NEIL2: variants seen among roughly 807,000 people sequenced by gnomAD.
NEIL2 encodes the protein nei like DNA glycosylase 2.
In NEIL2, 23 loss-of-function variants were observed where a neutral mutation model predicts 22.2. The observed-to-expected ratio is 1.04, with a 90% confidence interval of 0.75 to 1.47. The LOEUF (loss-of-function observed/expected upper bound fraction) is 1.47. Ranked by LOEUF, NEIL2 falls within the 40% of genes most tolerant of loss-of-function variation. NEIL2 has a pLI of 0.00. For missense variants in NEIL2, 583 were observed against 404.7 expected, an observed-to-expected ratio of 1.44 and a Z score of -3.78; for synonymous variants, 229 against 164.8, an observed-to-expected ratio of 1.39 and a Z score of -2.99.
chr8:11,780,557 T>G (rs2130507799), intron 3 of NEIL2, among the ~76,000 whole-genome samples: 1 of 152,294 alleles, frequency 6.6e-6, no homozygotes, highest in East Asian at 1.9e-4. Context: ...TTTTGTATTT[T>G]TAATAGAGAC....
At position 11,783,199 on chromosome 8, in the gene NEIL2, C is replaced by G. The variant is rs370597257; in HGVS notation, c.492-4C>G. ...TGTACATATGACCTGTTCTTTCTTCCCAGGTTGGTCCTGCACTTTGGTGGT... is the reference window on the plus strand; with the variant it reads ...TGTACATATGACCTGTTCTTTCTTCGCAGGTTGGTCCTGCACTTTGGTGGT... On this transcript the variant is annotated splice_region_variant and splice_polypyrimidine_tract_variant and intron_variant, in intron 3 of 4. Coordinates refer to ENST00000284503, the MANE Select transcript of NEIL2 (RefSeq NM_145043.4). 8.1e-6 allele frequency: 13 copies of G among 1,613,764 alleles called. No individual in the cohort carries two copies. In the South Asian group the frequency reaches 1.4e-4, roughly 18 times the overall value.
intron 3 of NEIL2, among the ~76,000 whole-genome samples, chr8:11,782,109 T>C (rs886778038): frequency 1.3e-5 from 2 of 151,922 alleles, no homozygotes; most frequent in Admixed American, 1.3e-4. Flanking sequence ...CCTTTCTATA[T>C]GGAAAGGGTA....
Position 11,780,046 on chromosome 8 carries a change from C to T in NEIL2, c.491+96C>T, listed in dbSNP as rs568739900. On this transcript the variant is annotated intron_variant, in intron 3 of 4. Transcript: ENST00000284503. ...TTCAGCAGTGGGGACATACTGAGGACGTCCAGTCTGCCCCCCAGGGCCCTG... is the reference window on the plus strand; with the variant it reads ...TTCAGCAGTGGGGACATACTGAGGATGTCCAGTCTGCCCCCCAGGGCCCTG... 1.9e-4 allele frequency: 203 copies of T among 1,058,528 alleles called. No homozygotes were observed. In the Middle Eastern group the frequency reaches 2.1e-3, roughly 11 times the overall value. The allele number at this position is 1,058,528 out of a possible 1,614,324, so 65.6% of individuals were successfully genotyped here.
intron 2 of NEIL2, among the ~76,000 whole-genome samples, chr8:11,778,104 G>T (rs922182612): frequency 6.6e-6 from 1 of 152,210 alleles, no homozygotes; most frequent in African/African-American, 2.4e-5. Flanking sequence ...CCAAAAGAGG[G>T]ACAGCAGAAA....
intron 2 of NEIL2, among the ~76,000 whole-genome samples, chr8:11,778,125 T>C (rs1269771409): frequency 6.6e-6 from 1 of 152,224 alleles, no homozygotes; most frequent in Non-Finnish European, 1.5e-5. Context: ...TTGCCATAGT[T>C]GGTATGAGGA....
chr8:11,781,585 C>CCT (rs1276932814), intron 3 of NEIL2, among the ~76,000 whole-genome samples: 1 of 152,140 alleles, frequency 6.6e-6, no homozygotes, highest in Non-Finnish European at 1.5e-5. Flanking sequence ...GAGGCTCACC[C>CCT]CTAGGTTTTC....
chr8:11,773,880 G>A (rs1385025763), intron 2 of NEIL2, among the ~76,000 whole-genome samples: 1 of 152,122 alleles, frequency 6.6e-6, no homozygotes, highest in African/African-American at 2.4e-5. Context: ...AGTCCAGGGT[G>A]GTATAGGAGC....
intron 2 of NEIL2, among the ~76,000 whole-genome samples, chr8:11,776,431 T>C (rs189694245): frequency 1.7e-3 from 257 of 152,370 alleles, no homozygotes; most frequent in South Asian, 2.3e-3. Flanking sequence ...TGGTCAGTGA[T>C]GTCCAGTCAT....
At chr8:11,781,591 T>G (rs1384746659) in intron 3 of NEIL2, among the ~76,000 whole-genome samples, 1 of 152,142 alleles carries the variant, frequency 6.6e-6, no homozygotes, top group Non-Finnish European at 1.5e-5. Flanking sequence ...CACCCCTAGG[T>G]TTTCAGATAT....
intron 3 of NEIL2, 86 bp downstream of exon 3, chr8:11,780,036 AT>A (rs1804276646): frequency 8.4e-7 from 1 of 1,185,726 alleles, no homozygotes; most frequent in Non-Finnish European, 1.2e-6. Context: ...CAGTGGGGAC[AT>A]ACTGAGGACG....
At chr8:11,785,803 A>C (rs1245638235) in intron 4 of NEIL2, among the ~76,000 whole-genome samples, 160 bp from the exon 5 acceptor site, 2 of 151,998 alleles carry the variant, frequency 1.3e-5, no homozygotes, top group African/African-American at 2.4e-5. Flanking sequence ...GGAATTGTCA[A>C]CTCCATTTTA....
intron 2 of NEIL2, among the ~76,000 whole-genome samples, chr8:11,778,419 G>A (rs532593248): frequency 6.6e-6 from 1 of 152,022 alleles, no homozygotes; most frequent in Non-Finnish European, 1.5e-5. Context: ...CTTTTGGGTG[G>A]AGGACTTCAA....
intron 3 of NEIL2, among the ~76,000 whole-genome samples, chr8:11,781,238 G>T (rs367595748): frequency 2.6e-5 from 4 of 152,208 alleles, no homozygotes; most frequent in Non-Finnish European, 5.9e-5. Context: ...AGTAGCTTCT[G>T]TGGTCTGGAG....
chr8:11,783,180 T>C, intron 3 of NEIL2, 23 bp from the exon 4 acceptor site: 1 of 1,610,244 alleles, frequency 6.2e-7, no homozygotes, highest in Non-Finnish European at 8.5e-7. Flanking sequence ...GATGTGTACA[T>C]ATGACCTGTT....
At position 11,786,478 on chromosome 8, in the gene NEIL2, A is replaced by G. The variant is rs1349583515; in HGVS notation, c.*205A>G. On this transcript the variant is annotated 3_prime_UTR_variant, in exon 5 of 5. Coordinates refer to ENST00000284503, the MANE Select transcript of NEIL2 (RefSeq NM_145043.4). ...TTTTTTATCCTTTTCTAGTTCAGTT[A>G]ATTCATCCTGTTGAATTGCACCATC... The G allele has an allele frequency of 3.3e-6, 2 of 608,940 alleles. No homozygotes were observed. The highest frequency in any genetic ancestry group is 2.8e-5 in the East Asian group (1 of 35,746). 37.7% of individuals were successfully genotyped at this position (608,940 alleles called of 1,614,324 possible).
chr8:11,786,790 A>G lies in NEIL2; in HGVS notation c.*517A>G, dbSNP rs1015377253. 1 of 170,306 alleles carries G rather than the reference A, an allele frequency of 5.9e-6. No homozygotes were observed. The allele number at this position is 170,306 out of a possible 1,614,324, so 10.5% of individuals were successfully genotyped here. ...GTAGCTGGGACTACAGGCATGTGAT[A>G]TGATGCTCGGCTGATTTTTGTTTAC... On this transcript the variant is annotated 3_prime_UTR_variant, in exon 5 of 5. Coordinates refer to ENST00000284503, the MANE Select transcript of NEIL2 (RefSeq NM_145043.4).
At chr8:11,785,220 G>A (rs929386950) in intron 4 of NEIL2, among the ~76,000 whole-genome samples, 1 of 151,466 alleles carries the variant, frequency 6.6e-6, no homozygotes, top group African/African-American at 2.4e-5. Context: ...TTTTGAGACA[G>A]GGTCTTGCCA....
chr8:11,776,107 A>C (rs979296616), intron 2 of NEIL2, among the ~76,000 whole-genome samples: 1 of 152,210 alleles, frequency 6.6e-6, no homozygotes, highest in African/African-American at 2.4e-5. Flanking sequence ...GTAATTTATA[A>C]AGGGAAGAGG....
intron 2 of NEIL2, among the ~76,000 whole-genome samples, chr8:11,774,124 C>G (rs8191556): frequency 0.056 from 8,564 of 152,170 alleles, 339 homozygotes; most frequent in Non-Finnish European, 0.079. Context: ...GCCTGTAATC[C>G]CAGCACTTTG....
Sources: allele counts gnomAD v4.1 joint callset (sites outside exome capture counted in the v4.1 genomes callset), GRCh38; gene constraint gnomAD v4.1.1; transcripts MANE v1.5; gene names NCBI Gene and HGNC (gene_info 2026-07-23, HGNC 2026-07-21).